Variants in CACNB3 observed in about 807,000 individuals in gnomAD.
CACNB3 encodes calcium voltage-gated channel auxiliary subunit beta 3, also known as voltage-dependent L-type calcium channel subunit beta-3.
In CACNB3, 36 loss-of-function variants were observed where a neutral mutation model predicts 63.7. The ratio of observed to expected loss-of-function variants is 0.57; its 90% confidence interval spans 0.43 to 0.75. CACNB3 has a LOEUF of 0.75. CACNB3 is among the 30% of genes least tolerant of loss of function. CACNB3 has a pLI of 0.00. For missense variants in CACNB3, 493 were observed against 648.6 expected (o/e 0.76, Z 2.61); for synonymous variants, 241 against 250.6 (o/e 0.96, Z 0.36).
chr12:48,823,561 C>A lies in CACNB3; in HGVS notation c.168+95C>A. On this transcript the variant is annotated intron_variant, in intron 2 of 12. Transcript: ENST00000301050. This position sits in a 1 kb window ranked among gnomAD's most constrained non-coding sequence, Gnocchi z 4.2. ...CCAAGGGGTCCTTGGGCAGGATGTC[C>A]TTGAGTGTGAGAGGGTGTGTGTGAT... 6.3e-7 allele frequency: 1 copy of A among 1,595,828 alleles called. No homozygotes were observed. The highest frequency in any genetic ancestry group is 1.1e-5 in the South Asian group (1 of 87,632).
intron 4 of CACNB3, 42 bp from the exon 5 acceptor site, chr12:48,824,625 GAC>G: frequency 6.5e-7 from 1 of 1,543,836 alleles, no homozygotes; most frequent in East Asian, 2.3e-5. Flanking sequence ...CATACACAGA[GAC>G]ACATTCTTCT....
Position 48,825,726 on chromosome 12 carries a change from C to T in CACNB3, c.699C>T (p.Gly233=). Residue 233 remains glycine (G), a synonymous_variant, in exon 9 of 13, where the codon GGC becomes GGT. Coordinates refer to ENST00000301050, the MANE Select transcript of CACNB3 (RefSeq NM_000725.4). This position sits in a 1 kb window ranked among gnomAD's most constrained non-coding sequence, Gnocchi z 4.5. ...AGCGATCTGTGCTCAACAATCCGGG[C>T]AAGAGGACCATCATTGAGCGCTCCT... The part of the protein sequence containing the change: ...LAKRSVLNNP[G]KRTIIERSSA... The T allele has an allele frequency of 6.2e-7, 1 of 1,614,202 alleles. No homozygotes were observed. Among genetic ancestry groups the T allele is most frequent in the East Asian group, 2.2e-5 (1 of 44,892 alleles).
At chr12:48,814,651 G>A, upstream of CACNB3, 4 of 1,255,198 alleles carry the variant, frequency 3.2e-6, no homozygotes, top group Non-Finnish European at 4.3e-6. The surrounding 1 kb of genome is among the most constrained non-coding windows in gnomAD (Gnocchi z 6.9). Flanking sequence ...CCTACTGGGG[G>A]TCTCGAGCTG....
chr12:48,819,513 C>A (rs1251546306), intron 1 of CACNB3: 2 of 324,438 alleles, frequency 6.2e-6, no homozygotes, highest in Non-Finnish European at 1.2e-5. Context: ...CCTTCCACCC[C>A]CTCCATCTCT....
At chr12:48,815,804 G>T, upstream of CACNB3, 1 of 985,626 alleles carries the variant, frequency 1.0e-6, no homozygotes, top group Non-Finnish European at 1.6e-6. Context: ...CTCCAAGCTA[G>T]GAAGGGGGCA....
At position 48,828,005 on chromosome 12, in the gene CACNB3, C is replaced by T; in HGVS notation, c.*106C>T. 1.1e-6 allele frequency: 1 copy of T among 940,064 alleles called. No homozygotes were observed. The highest frequency in any genetic ancestry group is 1.6e-6 in the Non-Finnish European group (1 of 617,886). The allele number at this position is 940,064 out of a possible 1,614,324, so 58.2% of individuals were successfully genotyped here. On this transcript the variant is annotated 3_prime_UTR_variant, in exon 13 of 13. Transcript: ENST00000301050. ...GCATCAGGCTGGCACTAGGCTCAGC[C>T]CCCAAAACCCCCTGCCCAGCCCCAG... is the stretch of plus-strand genomic sequence containing the variant.
rs771403497 is a variant in CACNB3, at chr12:48,823,786, T to C, written c.274T>C (p.Phe92Leu). Residue 92 changes from phenylalanine (F) to leucine (L), a missense_variant, in exon 3 of 13, where the codon TTT becomes CTT. Physicochemically the swap from Phe to Leu is conservative, Grantham distance 22. Transcript: ENST00000301050. The surrounding 1 kb of genome is among the most constrained non-coding windows in gnomAD (Gnocchi z 4.2). ...TGGAGTCAACTTTGAGGCCAAAGATTTTCTGCACATTAAAGAGGTGATCGA... is the reference window on the plus strand; with the variant it reads ...TGGAGTCAACTTTGAGGCCAAAGATCTTCTGCACATTAAAGAGGTGATCGA... ...GSGVNFEAKDFLHIKEKYSND... is the reference protein window; with the variant it reads ...GSGVNFEAKDLLHIKEKYSND... 6.2e-7 allele frequency: 1 copy of C among 1,614,078 alleles called. No homozygotes were observed. The highest frequency in any genetic ancestry group is 8.5e-7 in the Non-Finnish European group (1 of 1,179,988).
Position 48,828,215 on chromosome 12 carries a change from T to G in CACNB3, c.*316T>G. Reference sequence around the variant, plus strand: ...CAGTGCCCTCAGGCCAGGATCCCCTTAGCAGGGTCCTTCCCACCAGACTCA... The same window carrying G: ...CAGTGCCCTCAGGCCAGGATCCCCTGAGCAGGGTCCTTCCCACCAGACTCA... On this transcript the variant is annotated 3_prime_UTR_variant, in exon 13 of 13. Transcript: ENST00000301050. The G allele has an allele frequency of 2.4e-6, 1 of 422,742 alleles. No individual in the cohort carries two copies. The highest frequency in any genetic ancestry group is 4.4e-6 in the Non-Finnish European group (1 of 226,942). 26.2% of individuals were successfully genotyped at this position (422,742 alleles called of 1,614,324 possible).
At chr12:48,818,160 G>C (rs1942332190), upstream of CACNB3, among the ~76,000 whole-genome samples, 1 of 152,118 alleles carries the variant, frequency 6.6e-6, no homozygotes, top group South Asian at 2.1e-4. The surrounding 1 kb of genome is among the most constrained non-coding windows in gnomAD (Gnocchi z 4.3). Context: ...GGAGCCTCCG[G>C]GACGCACGGG....
Position 48,825,402 on chromosome 12 carries a change from G to A in CACNB3, c.574-32G>A, listed in dbSNP as rs368281934. 2.1e-5 allele frequency: 34 copies of A among 1,611,992 alleles called. No homozygotes were observed. The highest frequency in any genetic ancestry group is 2.9e-5 in the Non-Finnish European group (34 of 1,178,198). On this transcript the variant is annotated intron_variant, in intron 7 of 12. Transcript: ENST00000301050. This position sits in a 1 kb window ranked among gnomAD's most constrained non-coding sequence, Gnocchi z 4.5. The stretch of plus-strand genomic sequence containing the variant: ...ATGGGGAGGCTGCTTCTCTCCAAAG[G>A]GGCCCTTCATCAGTGCCATGCCTTC...
upstream of CACNB3, chr12:48,817,075 T>G: frequency 1.1e-6 from 1 of 879,472 alleles, no homozygotes; most frequent in Non-Finnish European, 1.4e-6. Context: ...CAGTTGGTGC[T>G]GGACTCAGGA....
chr12:48,827,192 G>A, intron 12 of CACNB3, 69 bp downstream of exon 12: 1 of 1,566,310 alleles, frequency 6.4e-7, no homozygotes, highest in Middle Eastern at 2.3e-4. Flanking sequence ...CCTGCCCAGA[G>A]GACTGTCCTT....
Position 48,818,770 on chromosome 12 carries a change from T to A in CACNB3, c.-160T>A, listed in dbSNP as rs1016172450. On this transcript the variant is annotated 5_prime_UTR_variant, in exon 1 of 13. Transcript: ENST00000301050. This position sits in a 1 kb window ranked among gnomAD's most constrained non-coding sequence, Gnocchi z 4.3. ...GATCTGAGCTCCGAGCAGCTGGTCT[T>A]CGCGGCTCGCTCCCTCCTTCGCGCT... The A allele has an allele frequency of 7.4e-7, 1 of 1,344,622 alleles. No individual in the cohort carries two copies. Among genetic ancestry groups the A allele is most frequent in the Non-Finnish European group, 9.5e-7 (1 of 1,048,180 alleles). 83.3% of individuals were successfully genotyped at this position (1,344,622 alleles called of 1,614,324 possible). A position where few individuals can be genotyped will look rare whatever the true frequency, so the allele number is the denominator to read the frequency against.
At chr12:48,824,891 C>T (rs1311668100) in intron 5 of CACNB3, 58 bp from the exon 6 acceptor site, 6 of 1,592,300 alleles carry the variant, frequency 3.8e-6, no homozygotes, top group Non-Finnish European at 1.7e-6. Flanking sequence ...GGATACCATG[C>T]CCCCAGGGAC....
In CACNB3 at chr12:48,823,226, A is replaced by G. The variant is rs1313963478; in HGVS notation, c.46-118A>G. 8.4e-6 allele frequency: 11 copies of G among 1,315,558 alleles called. No homozygotes were observed. The highest frequency in any genetic ancestry group is 1.5e-5 in the African/African-American group (1 of 67,528). 81.5% of individuals were successfully genotyped at this position (1,315,558 alleles called of 1,614,324 possible). A position where few individuals can be genotyped will look rare whatever the true frequency, so the allele number is the denominator to read the frequency against. Reference sequence around the variant, plus strand: ...TAGGAGGGGCCATAGGGACCCAGCTATCCCCTTGGAGATGGAGAAACTGGG... The same window carrying G: ...TAGGAGGGGCCATAGGGACCCAGCTGTCCCCTTGGAGATGGAGAAACTGGG... On this transcript the variant is annotated intron_variant, in intron 1 of 12. Transcript: ENST00000301050. The surrounding 1 kb of genome is among the most constrained non-coding windows in gnomAD (Gnocchi z 4.2).
At chr12:48,820,018 G>A (rs563176114) in intron 1 of CACNB3, 20 of 194,168 alleles carry the variant, frequency 1.0e-4, no homozygotes, top group East Asian at 4.2e-4. Flanking sequence ...CCCCTGGGTC[G>A]GAAAGAGGAG....
At chr12:48,814,558 G>A (rs1377328343), upstream of CACNB3, 16 of 1,522,382 alleles carry the variant, frequency 1.1e-5, no homozygotes, top group Non-Finnish European at 1.2e-5. The surrounding 1 kb of genome is among the most constrained non-coding windows in gnomAD (Gnocchi z 6.9). Flanking sequence ...ATGGAGGTAG[G>A]GACGGGCTAG....
chr12:48,815,747 T>A, upstream of CACNB3: 1 of 446,684 alleles, frequency 2.2e-6, no homozygotes, highest in Non-Finnish European at 3.6e-6. Context: ...GGGGGGGGTG[T>A]GGGGTCGTGG....
rs775443175 is a variant in CACNB3 at position 48,825,823 on chromosome 12, T to A, written c.742+54T>A. ...GCCCACTCAAGTGCCAGTGAGAACC[T>A]TCCTCCTCCCTTTTCTTTTTTTTGA... is the stretch of plus-strand genomic sequence containing the variant. On this transcript the variant is annotated intron_variant, in intron 9 of 12. Transcript: ENST00000301050. The surrounding 1 kb of genome is among the most constrained non-coding windows in gnomAD (Gnocchi z 4.5). 5.3e-5 allele frequency: 67 copies of A among 1,255,248 alleles called. No individual in the cohort carries two copies. The highest frequency in any genetic ancestry group is 1.9e-4 in the Middle Eastern group (1 of 5,398). 77.8% of individuals were successfully genotyped at this position (1,255,248 alleles called of 1,614,324 possible). A position where few individuals can be genotyped will look rare whatever the true frequency, so the allele number is the denominator to read the frequency against.
Sources: allele counts gnomAD v4.1 joint callset (sites outside exome capture counted in the v4.1 genomes callset), GRCh38; gene constraint gnomAD v4.1.1; non-coding constraint Gnocchi (gnomAD v3.1); transcripts MANE v1.5; gene names NCBI Gene and HGNC (gene_info 2026-07-23, HGNC 2026-07-21).